Variants in ETNK2 observed in about 807,000 individuals in gnomAD.
ETNK2 encodes ethanolamine kinase 2.
Under a neutral mutation model 46.2 loss-of-function variants are expected in ETNK2, and 33 were observed. That is an observed-to-expected ratio of 0.71 (90% CI 0.54 to 0.96). ETNK2 has a LOEUF of 0.96. ETNK2 is among the 40% of genes least tolerant of loss of function. The probability of loss-of-function intolerance (pLI) is 0.00; values close to 1 mark genes in which losing one functional copy is unlikely to be tolerated. For missense variants in ETNK2, 445 were observed against 509.7 expected (o/e 0.87, Z 1.22); for synonymous variants, 194 against 209.0 (o/e 0.93, Z 0.62).
chr1:204,151,216 G>C lies in ETNK2; in HGVS notation c.258+379C>G, dbSNP rs1342982610. The C allele has an allele frequency of 2.8e-6, 1 of 360,710 alleles. No individual in the cohort carries two copies. The highest frequency in any genetic ancestry group is 5.1e-6 in the Non-Finnish European group (1 of 197,458). 22.3% of individuals were successfully genotyped at this position (360,710 alleles called of 1,614,324 possible). ...TATGCATGTATGGCTGGGTCGGGGG[G>C]GCGGGGGGTCTCTTAAAAGTTCCCG... is the stretch of plus-strand genomic sequence containing the variant. On this transcript the variant is annotated intron_variant, in intron 1 of 7. Transcript: ENST00000367202. This position sits in a 1 kb window ranked among gnomAD's most constrained non-coding sequence, Gnocchi z 8.0.
intron 3 of ETNK2, chr1:204,142,750 C>G (rs546187594): frequency 2.6e-5 from 4 of 152,372 alleles, no homozygotes; most frequent in South Asian, 4.1e-4. Flanking sequence ...GGGGCCAGAA[C>G]ACGAGAAAGA....
At chr1:204,145,598 C>T (rs901848692) in intron 3 of ETNK2, among the ~76,000 whole-genome samples, 14 of 152,142 alleles carry the variant, frequency 9.2e-5, no homozygotes, top group Non-Finnish European at 1.9e-4. Context: ...ACAAATAGTC[C>T]CAAAGCAGTG....
intron 5 of ETNK2, 90 bp from the exon 6 acceptor site, chr1:204,137,339 A>C: frequency 6.9e-7 from 1 of 1,452,094 alleles, no homozygotes; most frequent in Non-Finnish European, 9.3e-7. Context: ...TCTCCCCTCA[A>C]ACTCCCATCT....
At chr1:204,146,224 C>G (rs1013228443) in intron 3 of ETNK2, among the ~76,000 whole-genome samples, 10 of 152,228 alleles carry the variant, frequency 6.6e-5, no homozygotes, top group Middle Eastern at 3.4e-3. Context: ...ATTCTGAGGG[C>G]CCTGCCCTGC....
At chr1:204,139,955 T>C (rs896042795) in intron 5 of ETNK2, 80 bp downstream of exon 5, 4 of 1,144,212 alleles carry the variant, frequency 3.5e-6, no homozygotes, top group Non-Finnish European at 5.3e-6. Context: ...AGTAATCTCA[T>C]AGGACCACCA....
intron 7 of ETNK2, 39 bp downstream of exon 7, chr1:204,134,476 T>C (rs1450050976): frequency 6.2e-7 from 1 of 1,606,858 alleles, no homozygotes; most frequent in South Asian, 1.1e-5. Flanking sequence ...ACCAAGGCTC[T>C]CCCTTTTCTC....
At position 204,152,001 on chromosome 1, in the gene ETNK2, C is replaced by T; in HGVS notation, c.-149G>A. The T allele has an allele frequency of 1.2e-6, 1 of 812,802 alleles. No individual in the cohort carries two copies. Among genetic ancestry groups the T allele is most frequent in the Non-Finnish European group, 1.7e-6 (1 of 603,316 alleles). The allele number at this position is 812,802 out of a possible 1,614,324, so 50.3% of individuals were successfully genotyped here. A position where few individuals can be genotyped will look rare whatever the true frequency, so the allele number is the denominator to read the frequency against. ...GCTTCGATCGCCGGCTCGCGGCCCGCCGCCCACCGCCGACCCCGGAGCGCC... is the reference window on the plus strand; with the variant it reads ...GCTTCGATCGCCGGCTCGCGGCCCGTCGCCCACCGCCGACCCCGGAGCGCC... On this transcript the variant is annotated 5_prime_UTR_variant, in exon 1 of 8. Transcript: ENST00000367202. This position sits in a 1 kb window ranked among gnomAD's most constrained non-coding sequence, Gnocchi z 4.2.
At chr1:204,140,532 T>A (rs888676585) in intron 4 of ETNK2, among the ~76,000 whole-genome samples, 1 of 148,562 alleles carries the variant, frequency 6.7e-6, no homozygotes, top group African/African-American at 2.5e-5. Context: ...GTTTTTGTCT[T>A]TTTTTTTTTT....
rs115231393 is a variant in ETNK2, at chr1:204,139,933, C to T, written c.868+102G>A. On this transcript the variant is annotated intron_variant, in intron 5 of 7. Transcript: ENST00000367202. ...TACAGTAAAAATATGGTACCTATTACCGTAAATATACAGTAATCTCATAGG... is the reference window on the plus strand; with the variant it reads ...TACAGTAAAAATATGGTACCTATTATCGTAAATATACAGTAATCTCATAGG... 1,393 of 917,472 alleles carry T rather than the reference C, an allele frequency of 1.5e-3. 10 individuals are homozygous for T. The African/African-American group carries it at 0.021, about 14-fold the overall frequency. The allele number at this position is 917,472 out of a possible 1,614,324, so 56.8% of individuals were successfully genotyped here.
intron 1 of ETNK2, among the ~76,000 whole-genome samples, chr1:204,150,224 G>A (rs1173352747): frequency 6.6e-6 from 1 of 152,118 alleles, no homozygotes; most frequent in East Asian, 1.9e-4. Context: ...CTAGTGAATG[G>A]GATTTGGCAG....
Position 204,134,574 on chromosome 1 carries a change from G to A in ETNK2, c.1029C>T (p.Phe343=). ...TCTGGATGAGGGCCCAGAGAGCCCA[G>A]AAGAAGTGAGACGCCTGGAAACAGA... ...VNKFALASHF[F]WALWALIQNQ... is the part of the protein sequence containing the mutation. The change falls in exon 7 of 8, where the codon TTC becomes TTT. Residue 343 remains phenylalanine (F), a synonymous_variant. Coordinates refer to ENST00000367202, the MANE Select transcript of ETNK2 (RefSeq NM_018208.4). 2 of 1,614,050 alleles carry A rather than the reference G, an allele frequency of 1.2e-6. No individual in the cohort carries two copies. Among genetic ancestry groups the A allele is most frequent in the Non-Finnish European group, 1.7e-6 (2 of 1,179,898 alleles).
chr1:204,134,437 G>C, intron 7 of ETNK2, 78 bp downstream of exon 7: 1 of 1,509,088 alleles, frequency 6.6e-7, no homozygotes, highest in East Asian at 2.4e-5. Context: ...ATTCTGCCTG[G>C]GCTGTCCTTT....
chr1:204,151,076 T>C lies in ETNK2; in HGVS notation c.258+519A>G, dbSNP rs1190997486. On this transcript the variant is annotated intron_variant, in intron 1 of 7. Transcript: ENST00000367202. The surrounding 1 kb of genome is among the most constrained non-coding windows in gnomAD (Gnocchi z 8.0). ...GGTGCTGAGCCCGAGCCTGCAGCGA[T>C]GGTGAGGAGCTGAGTGCTAGCTGGA... The C allele has an allele frequency of 5.4e-6, 1 of 185,468 alleles. No homozygotes were observed. Among genetic ancestry groups the C allele is most frequent in the African/African-American group, 2.4e-5 (1 of 41,560 alleles). 11.5% of individuals were successfully genotyped at this position (185,468 alleles called of 1,614,324 possible).
chr1:204,150,826 C>A (rs566103676), intron 1 of ETNK2, among the ~76,000 whole-genome samples: 1 of 152,334 alleles, frequency 6.6e-6, no homozygotes, highest in East Asian at 1.9e-4. Flanking sequence ...AACCTCCCCA[C>A]AACTTTGCCC....
chr1:204,141,011 A>G, intron 4 of ETNK2: 1 of 417,348 alleles, frequency 2.4e-6, no homozygotes. Context: ...TTTTTTGTAG[A>G]GACAGGGTCT....
intron 3 of ETNK2, chr1:204,142,134 T>G (rs1287791862): frequency 6.6e-6 from 1 of 152,532 alleles, no homozygotes; most frequent in Admixed American, 6.5e-5. Flanking sequence ...TCGGCTCACA[T>G]GAGAAAGCAA....
Position 204,131,912 on chromosome 1 carries a change from A to G in ETNK2, c.*272T>C, listed in dbSNP as rs41313900. 4.0e-4 allele frequency: 189 copies of G among 475,274 alleles called. No homozygotes were observed. The highest frequency in any genetic ancestry group is 6.0e-4 in the Non-Finnish European group (157 of 261,486). The allele number at this position is 475,274 out of a possible 1,614,324, so 29.4% of individuals were successfully genotyped here. On this transcript the variant is annotated 3_prime_UTR_variant, in exon 8 of 8. Transcript: ENST00000367202. This position sits in a 1 kb window ranked among gnomAD's most constrained non-coding sequence, Gnocchi z 4.3. ...AATGATGTGTTTCCCAGGGGTGGTT[A>G]TGGTTCAGGACCTGGCTGCAGGCAC...
At chr1:204,145,096 T>G (rs145893389) in intron 3 of ETNK2, among the ~76,000 whole-genome samples, 1 of 152,320 alleles carries the variant, frequency 6.6e-6, no homozygotes, top group Non-Finnish European at 1.5e-5. Flanking sequence ...GGTGCTTATC[T>G]CGTCTAAATG....
rs1246267975 is a variant in ETNK2, at chr1:204,151,834, C to A, written c.19G>T (p.Ala7Ser). Reference protein sequence around the residue: MAVPPSAPQPRASFHLR... With the variant: MAVPPSSPQPRASFHLR... The stretch of plus-strand genomic sequence containing the variant: ...TGAAAGGACGCGCGCGGCTGAGGGG[C>A]CGAAGGGGGCACAGCCATTCCCAGC... Residue 7 changes from alanine (A) to serine (S), a missense_variant, in exon 1 of 8, where the codon GCC becomes TCC. Transcript: ENST00000367202. The surrounding 1 kb of genome is among the most constrained non-coding windows in gnomAD (Gnocchi z 8.0). 1.1e-5 allele frequency: 16 copies of A among 1,466,742 alleles called. No homozygotes were observed. The highest frequency in any genetic ancestry group is 1.4e-5 in the Non-Finnish European group (16 of 1,112,844). The allele number at this position is 1,466,742 out of a possible 1,614,324, so 90.9% of individuals were successfully genotyped here.
Sources: gnomAD v4.1 joint callset for allele counts (sites outside exome capture counted in the v4.1 genomes callset) on GRCh38, gnomAD v4.1.1 for gene constraint, Gnocchi (gnomAD v3.1) non-coding constraint, MANE v1.5 for transcripts, NCBI Gene and HGNC (gene_info 2026-07-23, HGNC 2026-07-21) for gene names.